Variants in OTUD3 observed in about 807,000 individuals in gnomAD.
OTUD3 encodes the protein OTU domain-containing protein 3.
In OTUD3, 24 loss-of-function variants were observed where a neutral mutation model predicts 46.2. The observed-to-expected ratio is 0.52, with a 90% CI of 0.38 to 0.73. The LOEUF (loss-of-function observed/expected upper bound fraction) is 0.73, where lower values mean the gene tolerates loss of function less well. Ranked by LOEUF, OTUD3 falls within the 30% of genes least tolerant of loss-of-function variation. OTUD3 has a pLI of 0.00. For missense variants in OTUD3, 455 were observed against 523.3 expected (o/e 0.87, Z 1.27); for synonymous variants, 189 against 195.4 (o/e 0.97, Z 0.27).
chr1:19,885,813 C>T (rs2045351373), intron 1 of OTUD3, among the ~76,000 whole-genome samples: 1 of 152,176 alleles, frequency 6.6e-6, no homozygotes, highest in Admixed American at 6.5e-5. Context: ...AAGTTAAAGA[C>T]TATTAAAAAA....
intron 3 of OTUD3, among the ~76,000 whole-genome samples, chr1:19,896,388 T>C (rs2045518972): frequency 6.6e-6 from 1 of 151,904 alleles, no homozygotes; most frequent in South Asian, 2.1e-4. Context: ...TATATATTAT[T>C]ATTATTAGGT....
intron 1 of OTUD3, among the ~76,000 whole-genome samples, chr1:19,883,539 A>G (rs2100223868): frequency 6.6e-6 from 1 of 152,286 alleles, no homozygotes; most frequent in East Asian, 1.9e-4. Flanking sequence ...GAGAGTGTTA[A>G]TAACAGCCTG....
intron 1 of OTUD3, among the ~76,000 whole-genome samples, chr1:19,884,115 A>AG (rs1233510454): frequency 6.6e-6 from 1 of 152,246 alleles, no homozygotes; most frequent in Non-Finnish European, 1.5e-5. Flanking sequence ...CCTAAGCATA[A>AG]GCCCAAGACA....
intron 3 of OTUD3, among the ~76,000 whole-genome samples, chr1:19,896,579 T>C (rs1261837010): frequency 6.6e-6 from 1 of 152,196 alleles, no homozygotes; most frequent in Non-Finnish European, 1.5e-5. Context: ...ACTTGTGTGC[T>C]TCCTGTTTGT....
In OTUD3 at chr1:19,911,433, A is replaced by G; in HGVS notation, c.*3687A>G. On this transcript the variant is annotated 3_prime_UTR_variant, in exon 8 of 8. Transcript: ENST00000375120. ...GAGACAGAGTCTTGCTTTGTTGCCC[A>G]GGCTGGAGTGTGGTGGGGCAATCTC... The G allele has an allele frequency of 7.4e-6, 1 of 135,608 alleles. No homozygotes were observed. 8.4% of individuals were successfully genotyped at this position (135,608 alleles called of 1,614,324 possible).
At chr1:19,892,591 C>A (rs1385864849) in intron 2 of OTUD3, among the ~76,000 whole-genome samples, 1 of 152,136 alleles carries the variant, frequency 6.6e-6, no homozygotes, top group Non-Finnish European at 1.5e-5. Flanking sequence ...GTACAAGTAT[C>A]CAGGTCAGAA....
At position 19,906,552 on chromosome 1, in the gene OTUD3, A is replaced by G; in HGVS notation, c.956A>G (p.Glu319Gly). The G allele has an allele frequency of 1.2e-6, 2 of 1,613,846 alleles. No homozygotes were observed. The highest frequency in any genetic ancestry group is 1.7e-6 in the Non-Finnish European group (2 of 1,180,014). The stretch of plus-strand genomic sequence containing the variant: ...CAGGGCTTAAATGAAGGCAGGACCG[A>G]AAACAATAAGGCACAGGCCAGCCCT... The part of the protein sequence containing the change: ...GNQGLNEGRT[E>G]NNKAQASPSE... The change falls in exon 7 of 8, where the codon GAA (glutamate) becomes GGA (glycine). Residue 319 changes from glutamate (E) to glycine (G), a missense_variant. Physicochemically the swap from Glu to Gly is moderately conservative, Grantham distance 98 (BLOSUM62 -2). Coordinates refer to ENST00000375120, the MANE Select transcript of OTUD3 (RefSeq NM_015207.2).
At chr1:19,902,456 C>G (rs1312079726) in intron 4 of OTUD3, among the ~76,000 whole-genome samples, 1 of 152,286 alleles carries the variant, frequency 6.6e-6, no homozygotes, top group South Asian at 2.1e-4. Context: ...CCACCCACCT[C>G]GGCCTCCCAA....
rs772465704 is a variant in OTUD3, at chr1:19,904,903, A to G, written c.751A>G (p.Ile251Val). The G allele has an allele frequency of 6.5e-6, 10 of 1,540,606 alleles. No homozygotes were observed. In the South Asian group the frequency reaches 1.0e-4, roughly 16 times the overall value. The change falls in exon 6 of 8, where the codon ATA becomes GTA. Residue 251 changes from isoleucine (I) to valine (V), a missense_variant. Physicochemically the swap from Ile to Val is conservative, Grantham distance 29. Coordinates refer to ENST00000375120, the MANE Select transcript of OTUD3 (RefSeq NM_015207.2). Reference sequence around the variant, plus strand: ...GTTTCTTGGATAGGATTTTAATTTAATAGTCCAGAACCTGGAAGCTGAAAA... The same window carrying G: ...GTTTCTTGGATAGGATTTTAATTTAGTAGTCCAGAACCTGGAAGCTGAAAA... ...NATGCSDFNLIVQNLEAENYN... is the reference protein window; with the variant it reads ...NATGCSDFNLVVQNLEAENYN...
At chr1:19,887,527 A>G (rs373387043) in intron 1 of OTUD3, among the ~76,000 whole-genome samples, 28 of 152,308 alleles carry the variant, frequency 1.8e-4, no homozygotes, top group Admixed American at 1.3e-3. Context: ...ACATCTAGAC[A>G]ATTGCTGTGA....
rs192748453 is a variant in OTUD3 at position 19,891,709 on chromosome 1, T to C, written c.370+1176T>C. The stretch of plus-strand genomic sequence containing the variant: ...AGAGAGGGCAGCAGGAGGGGGACAT[T>C]TGGGAGAAAAGGTATCAGTGATCCC... On this transcript the variant is annotated intron_variant, in intron 2 of 7. Coordinates refer to ENST00000375120, the MANE Select transcript of OTUD3 (RefSeq NM_015207.2). 3.7e-3 allele frequency among the ~76,000 whole-genome samples: 555 copies of C among 151,728 alleles called. 1 individual carries two copies. The highest frequency in any genetic ancestry group is 0.022 in the South Asian group (106 of 4,770).
chr1:19,888,011 C>G (rs370199094), intron 1 of OTUD3, among the ~76,000 whole-genome samples: 1 of 152,132 alleles, frequency 6.6e-6, no homozygotes, highest in East Asian at 1.9e-4. Context: ...TTTTTGTGAA[C>G]TCAAATGCGA....
At chr1:19,890,592 A>G in intron 2 of OTUD3, 59 bp downstream of exon 2, 1 of 1,428,634 alleles carries the variant, frequency 7.0e-7, no homozygotes, top group South Asian at 1.2e-5. Context: ...AATTAAGTCC[A>G]CTGGCATCCT....
At chr1:19,902,180 T>C (rs1414917495) in intron 4 of OTUD3, among the ~76,000 whole-genome samples, 3 of 152,204 alleles carry the variant, frequency 2.0e-5, no homozygotes, top group African/African-American at 4.8e-5. Flanking sequence ...AAATGTTTTT[T>C]TCTTAAATGG....
chr1:19,884,000 GAT>G (rs1368372024), intron 1 of OTUD3, among the ~76,000 whole-genome samples: 4 of 152,164 alleles, frequency 2.6e-5, no homozygotes, highest in African/African-American at 7.2e-5. Context: ...GTTGGAACTT[GAT>G]TACATTTATT....
chr1:19,897,741 AC>A (rs1392567814), intron 4 of OTUD3, 79 bp downstream of exon 4: 5 of 1,387,664 alleles, frequency 3.6e-6, no homozygotes, highest in Non-Finnish European at 4.8e-6. Context: ...GGCGCTAAAA[AC>A]CAGTAATGTT....
At chr1:19,887,082 C>CTTTTTT (rs35763768) in intron 1 of OTUD3, among the ~76,000 whole-genome samples, 62 of 133,406 alleles carry the variant, frequency 4.6e-4, no homozygotes, top group East Asian at 1.3e-3. Context: ...TTTTCTTTTT[C>CTTTTTT]TTTTTTTTTT....
chr1:19,894,063 A>G (rs2045485757), intron 2 of OTUD3, among the ~76,000 whole-genome samples: 1 of 152,238 alleles, frequency 6.6e-6, no homozygotes, highest in African/African-American at 2.4e-5. Flanking sequence ...GCAAGCTGCT[A>G]AGATTACTGT....
intron 1 of OTUD3, among the ~76,000 whole-genome samples, chr1:19,889,855 GGACTCAAACAGAGTATTGTTCAGTT>G (rs1355076635): frequency 2.0e-5 from 3 of 152,134 alleles, no homozygotes; most frequent in African/African-American, 7.2e-5. Context: ...TATGTTCTTA[GGACTCAAACAGAGTATTGTTCAGTT>G]GTTAGTATTG....
Sources: allele counts gnomAD v4.1 joint callset (sites outside exome capture counted in the v4.1 genomes callset), GRCh38; gene constraint gnomAD v4.1.1; transcripts MANE v1.5; gene names NCBI Gene and HGNC (gene_info 2026-07-23, HGNC 2026-07-21).